Variants in LSM4 observed in about 807,000 individuals in gnomAD.
The protein encoded by LSM4 is LSM4 homolog, U6 small nuclear RNA and mRNA degradation associated, also known as U6 snRNA-associated Sm-like protein LSm4.
Under a neutral mutation model 22.3 loss-of-function variants are expected in LSM4, and 15 were observed. The ratio of observed to expected loss-of-function variants is 0.67; its 90% confidence interval spans 0.45 to 1.03. The LOEUF is 1.03. Among genes scored for constraint, LSM4 ranks in the 50% least tolerant of loss-of-function variants. The pLI is 0.00. For missense variants in LSM4, 127 were observed against 198.0 expected (o/e 0.64, Z 2.15); for synonymous variants, 90 against 79.8 (o/e 1.13, Z -0.68).
chr19:18,315,744 A>G (rs1970347324), intron 2 of LSM4, among the ~76,000 whole-genome samples: 1 of 150,934 alleles, frequency 6.6e-6, no homozygotes, highest in African/African-American at 2.4e-5. Context: ...CTGATCTCGA[A>G]CTCCTGAGCT....
chr19:18,309,038 G>T (rs1354115476), intron 4 of LSM4, among the ~76,000 whole-genome samples: 1 of 139,754 alleles, frequency 7.2e-6, no homozygotes, highest in Non-Finnish European at 1.6e-5. Context: ...GATCCCCAAA[G>T]CTCCCTGCCT....
At chr19:18,312,958 C>T (rs541848732) in intron 2 of LSM4, among the ~76,000 whole-genome samples, 4 of 152,320 alleles carry the variant, frequency 2.6e-5, no homozygotes, top group Admixed American at 6.5e-5. Context: ...CGGTGGCTCA[C>T]GCCTGTAATC....
intron 1 of LSM4, among the ~76,000 whole-genome samples, chr19:18,320,821 AAAAG>A (rs1390779165): frequency 1.3e-5 from 2 of 152,132 alleles, no homozygotes; most frequent in African/African-American, 2.4e-5. Context: ...ATGAAATAGA[AAAAG>A]AAAAAAAGTG....
At chr19:18,320,542 T>C (rs1224852838) in intron 1 of LSM4, among the ~76,000 whole-genome samples, 1 of 152,094 alleles carries the variant, frequency 6.6e-6, no homozygotes, top group Non-Finnish European at 1.5e-5. Flanking sequence ...CTCACGCCTG[T>C]AATCCCAGCA....
At chr19:18,312,428 TG>T (rs3217224) in intron 3 of LSM4, 175 bp downstream of exon 3, 280,382 of 586,592 alleles carry the variant, frequency 0.48, 72,516 homozygotes, top group East Asian at 0.73. Context: ...CAGGGCACAC[TG>T]GGAGACTTGG....
Position 18,321,102 on chromosome 19 carries a change from G to A in LSM4, c.3+1916C>T, listed in dbSNP as rs1396592931. ...ATCCTGTGATGGCTTGTCCATTCTC[G>A]GCTACTCCTCCAGGAAACAGCTGGA... On this transcript the variant is annotated intron_variant, in intron 1 of 4. Transcript: ENST00000593829. 3.3e-5 allele frequency among the ~76,000 whole-genome samples: 5 copies of A among 152,214 alleles called. No homozygotes were observed. In the South Asian group the frequency reaches 6.2e-4, roughly 19 times the overall value.
intron 1 of LSM4, among the ~76,000 whole-genome samples, chr19:18,316,739 T>A (rs1271458095): frequency 6.6e-6 from 1 of 152,046 alleles, no homozygotes; most frequent in Non-Finnish European, 1.5e-5. Context: ...ACACTACAGC[T>A]TGGAAACCCG....
At position 18,307,564 on chromosome 19, in the gene LSM4, CAGAG is replaced by C. The variant is rs889300400; in HGVS notation, c.329-13_329-10del. The C allele has an allele frequency of 6.7e-6, 10 of 1,502,034 alleles. No individual in the cohort carries two copies. Among genetic ancestry groups the C allele is most frequent in the Non-Finnish European group, 8.9e-6 (10 of 1,121,148 alleles). 93.0% of individuals were successfully genotyped at this position (1,502,034 alleles called of 1,614,324 possible). A position where few individuals can be genotyped will look rare whatever the true frequency, so the allele number is the denominator to read the frequency against. The stretch of plus-strand genomic sequence containing the variant: ...CCGGCCACCAAACACACCTAGAGGA[CAGAG>C]AGAGGGCGCTGCAGCAGAGCCAGGT... On this transcript the variant is annotated splice_polypyrimidine_tract_variant and intron_variant, in intron 4 of 4. Transcript: ENST00000593829.
chr19:18,312,507 TC>T, intron 3 of LSM4, 96 bp downstream of exon 3: 1 of 1,035,996 alleles, frequency 9.7e-7, no homozygotes, highest in Non-Finnish European at 1.5e-6. Context: ...CTAGGCGGCC[TC>T]CCCCACTGAC....
intron 4 of LSM4, 147 bp downstream of exon 4, chr19:18,309,531 C>T: frequency 1.2e-6 from 1 of 846,548 alleles, no homozygotes; most frequent in Non-Finnish European, 1.8e-6. Flanking sequence ...CTGCCTGGGC[C>T]TCGGCTCATG....
At chr19:18,318,332 A>G (rs765794606) in intron 1 of LSM4, among the ~76,000 whole-genome samples, 3 of 152,206 alleles carry the variant, frequency 2.0e-5, no homozygotes, top group Non-Finnish European at 4.4e-5. Context: ...AGAGCTGCCC[A>G]GGGGAGGTTG....
intron 1 of LSM4, among the ~76,000 whole-genome samples, chr19:18,319,583 A>C (rs1310657884): frequency 2.0e-5 from 3 of 152,058 alleles, no homozygotes; most frequent in East Asian, 1.9e-4. Context: ...ACAACAACAA[A>C]AAACCCAAAT....
intron 1 of LSM4, among the ~76,000 whole-genome samples, chr19:18,316,776 A>G (rs1430617017): frequency 6.6e-6 from 1 of 152,140 alleles, no homozygotes; most frequent in African/African-American, 2.4e-5. Context: ...CTATGGCGCT[A>G]GGAGGAGACA....
At position 18,307,707 on chromosome 19, in the gene LSM4, T is replaced by C. The variant is rs564729419; in HGVS notation, c.329-152A>G. The C allele has an allele frequency of 5.6e-6, 3 of 533,376 alleles. No individual in the cohort carries two copies. In the African/African-American group the frequency reaches 6.0e-5, roughly 11 times the overall value. 33.0% of individuals were successfully genotyped at this position (533,376 alleles called of 1,614,324 possible). A position where few individuals can be genotyped will look rare whatever the true frequency, so the allele number is the denominator to read the frequency against. On this transcript the variant is annotated intron_variant, in intron 4 of 4. Transcript: ENST00000593829. ...GGTGACTGAGGGTGCTTGGATCTCC[T>C]CCGTGGGGCAGAGCATCTGAGGAAG...
At chr19:18,319,952 T>C (rs1223707715) in intron 1 of LSM4, among the ~76,000 whole-genome samples, 1 of 152,168 alleles carries the variant, frequency 6.6e-6, no homozygotes, top group East Asian at 1.9e-4. Flanking sequence ...GGTAAATATT[T>C]GCTGAATAAA....
rs973075519 is a variant in LSM4, at chr19:18,306,896, G to C, written c.*568C>G. The stretch of plus-strand genomic sequence containing the variant: ...GCTAGGTGCACCCAGAAGCTCAAAA[G>C]GAACAGTGGATGTGCAGTGTGTAGT... On this transcript the variant is annotated 3_prime_UTR_variant, in exon 5 of 5. Transcript: ENST00000593829. 1 of 152,322 alleles carries C rather than the reference G, an allele frequency of 6.6e-6. No individual in the cohort carries two copies. Among genetic ancestry groups the C allele is most frequent in the Non-Finnish European group, 1.5e-5 (1 of 68,090 alleles). The allele number at this position is 152,322 out of a possible 1,614,324, so 9.4% of individuals were successfully genotyped here.
intron 1 of LSM4, 113 bp from the exon 2 acceptor site, chr19:18,316,178 G>C: frequency 2.3e-6 from 2 of 877,744 alleles, no homozygotes; most frequent in South Asian, 3.1e-5. Flanking sequence ...GGGGGCACAG[G>C]AGTGCGTGTC....
At chr19:18,310,101 T>C in intron 3 of LSM4, 1 of 533,322 alleles carries the variant, frequency 1.9e-6, no homozygotes, top group Non-Finnish European at 3.3e-6. Context: ...GCCCCCATTG[T>C]GCACTCACAA....
In LSM4 at chr19:18,309,706, T is replaced by C. The variant is rs1970276577; in HGVS notation, c.300A>G (p.Lys100=). Residue 100 remains lysine, a synonymous_variant, in exon 4 of 5, where the codon AAA becomes AAG. Transcript: ENST00000593829. ...GGCCAGCGCCGCCCATGCCGCGGCC[T>C]TTCTGCTGCTTCTGCTGCTGCAGGC... ...RGGLQQQKQQ[K]GRGMGGAGRG... is the part of the protein sequence containing the mutation. The C allele has an allele frequency of 1.2e-6, 2 of 1,610,374 alleles. No individual in the cohort carries two copies. Among genetic ancestry groups the C allele is most frequent in the African/African-American group, 1.3e-5 (1 of 74,792 alleles).
Sources: gnomAD v4.1 joint callset for allele counts (sites outside exome capture counted in the v4.1 genomes callset) on GRCh38, gnomAD v4.1.1 for gene constraint, MANE v1.5 for transcripts, NCBI Gene and HGNC (gene_info 2026-07-23, HGNC 2026-07-21) for gene names.